The following PECAM1 variants were observed in gnomAD, a reference collection of about 807,000 sequenced individuals.
PECAM1 encodes platelet and endothelial cell adhesion molecule 1.
PECAM1 carries 8 observed loss-of-function variants against 13.8 expected under a neutral mutation model. The observed-to-expected ratio is 0.58, with a 90% CI of 0.34 to 1.05. The LOEUF is 1.05. PECAM1 is among the 50% of genes least tolerant of loss of function. The pLI is 0.03. For synonymous variants in PECAM1, 136 were observed against 52.6 expected (o/e 2.58, Z -6.86); for missense variants, 304 against 141.2 (o/e 2.15, Z -5.84).
chr17:64,365,286 A>G (rs1361453835), intron 5 of PECAM1, among the ~76,000 whole-genome samples: 5 of 152,246 alleles, frequency 3.3e-5, no homozygotes, highest in Non-Finnish European at 7.3e-5. Flanking sequence ...GACCTCTTCA[A>G]GGAAAACTAC....
At chr17:64,368,776 C>G (rs1314658438) in intron 5 of PECAM1, among the ~76,000 whole-genome samples, 3 of 150,564 alleles carry the variant, frequency 2.0e-5, no homozygotes, top group African/African-American at 7.3e-5. Flanking sequence ...TTACTTGAAC[C>G]TGGGAGGCAG....
chr17:64,329,281 A>G (rs568046705), intron 15 of PECAM1, among the ~76,000 whole-genome samples: 1 of 152,266 alleles, frequency 6.6e-6, no homozygotes, highest in Non-Finnish European at 1.5e-5. Flanking sequence ...ACTGAGGTCA[A>G]GAAGCTTGGG....
At chr17:64,367,563 A>T (rs969988995) in intron 5 of PECAM1, among the ~76,000 whole-genome samples, 9 of 151,916 alleles carry the variant, frequency 5.9e-5, no homozygotes, top group African/African-American at 1.7e-4. Context: ...AAAAAAAAAA[A>T]AAAAGAAAAG....
intron 2 of PECAM1, among the ~76,000 whole-genome samples, chr17:64,386,680 C>T (rs1035845579): frequency 3.5e-4 from 53 of 151,870 alleles, no homozygotes; most frequent in Admixed American, 8.5e-4. Context: ...ATCTGTTATC[C>T]CAGCACTTTC....
rs1414811163 is a variant in PECAM1, at chr17:64,335,856, C to T, written c.2164+5778G>A. Reference sequence around the variant, plus strand: ...TAGAGTATAGGGAGAAAACAATCAACATGGAACAAAAGAAATCTGCAGTCT... The same window carrying T: ...TAGAGTATAGGGAGAAAACAATCAATATGGAACAAAAGAAATCTGCAGTCT... On this transcript the variant is annotated intron_variant, in intron 14 of 15. Transcript: ENST00000563924. Among the ~76,000 whole-genome samples, 3 of 152,138 alleles carry T rather than the reference C, an allele frequency of 2.0e-5. No homozygotes were observed. The East Asian group carries it at 5.8e-4, about 29-fold the overall frequency.
chr17:64,352,863 T>G (rs2143781668), intron 10 of PECAM1, among the ~76,000 whole-genome samples: 1 of 152,160 alleles, frequency 6.6e-6, no homozygotes, highest in South Asian at 2.1e-4. Context: ...CTGGCTAGGC[T>G]GGTCTTGAAC....
At position 64,346,786 on chromosome 17, in the gene PECAM1, C is replaced by T. The variant is rs1322811423; in HGVS notation, c.2107+1474G>A. ...CCTGCCCTTGAGAGAACCACATACA[C>T]AAAAACAAAACCCAAGGTGTAAAAT... On this transcript the variant is annotated intron_variant, in intron 13 of 15. Coordinates refer to ENST00000563924, the MANE Select transcript of PECAM1 (RefSeq NM_000442.5). Among the ~76,000 whole-genome samples the T allele has an allele frequency of 3.3e-5, 5 of 152,212 alleles. No individual in the cohort carries two copies. In the South Asian group the frequency reaches 6.2e-4, roughly 19 times the overall value.
At chr17:64,363,510 C>T (rs1183328470) in intron 5 of PECAM1, 113 bp from the exon 6 acceptor site, 1 of 465,542 alleles carries the variant, frequency 2.1e-6, no homozygotes, top group African/African-American at 2.0e-5. Flanking sequence ...TTCCAACTTC[C>T]AGCAAAAAGT....
chr17:64,384,395 C>T (rs899420825), intron 2 of PECAM1, among the ~76,000 whole-genome samples: 1 of 152,162 alleles, frequency 6.6e-6, no homozygotes, highest in African/African-American at 2.4e-5. Context: ...CAAGATGCCC[C>T]CCCCAATGGT....
chr17:64,387,466 T>TA (rs35835228), intron 2 of PECAM1, among the ~76,000 whole-genome samples: 12 of 151,904 alleles, frequency 7.9e-5, no homozygotes, highest in Non-Finnish European at 1.8e-4. Flanking sequence ...TTCTTTTTCC[T>TA]AAAAAAAGAG....
At chr17:64,327,762 T>C (rs185617601) in intron 15 of PECAM1, among the ~76,000 whole-genome samples, 5 of 152,258 alleles carry the variant, frequency 3.3e-5, no homozygotes, top group Admixed American at 3.3e-4. Context: ...AATACCAAAT[T>C]AGTCTTTGGC....
At chr17:64,323,948 G>A in intron 15 of PECAM1, 103 bp from the exon 16 acceptor site, 1 of 788,854 alleles carries the variant, frequency 1.3e-6, no homozygotes. Context: ...CAAAGAAAAT[G>A]CAAAGCAGGG....
At chr17:64,388,726 G>A (rs1029748798) in intron 2 of PECAM1, among the ~76,000 whole-genome samples, 1 of 152,100 alleles carries the variant, frequency 6.6e-6, no homozygotes, top group Non-Finnish European at 1.5e-5. Context: ...GGAGTGCAGT[G>A]GCGCAATCCT....
At position 64,329,859 on chromosome 17, in the gene PECAM1, C is replaced by T. The variant is rs13306806; in HGVS notation, c.2165-137G>A. Reference sequence around the variant, plus strand: ...CCAGGAGACATCAGCCGGCAGGTGCCCTTAGAGGTTTATGGCTCCTTTGTG... The same window carrying T: ...CCAGGAGACATCAGCCGGCAGGTGCTCTTAGAGGTTTATGGCTCCTTTGTG... On this transcript the variant is annotated intron_variant, in intron 14 of 15. Transcript: ENST00000563924. 8.5e-5 allele frequency: 59 copies of T among 698,056 alleles called. No homozygotes were observed. The East Asian group carries it at 1.6e-3, about 18-fold the overall frequency. 43.2% of individuals were successfully genotyped at this position (698,056 alleles called of 1,614,324 possible). A position where few individuals can be genotyped will look rare whatever the true frequency, so the allele number is the denominator to read the frequency against.
intron 14 of PECAM1, among the ~76,000 whole-genome samples, chr17:64,335,227 G>A (rs940227473): frequency 2.0e-5 from 3 of 152,050 alleles, no homozygotes; most frequent in Admixed American, 6.6e-5. Flanking sequence ...GAGGCTCTAT[G>A]ACTTGCCCAG....
intron 2 of PECAM1, among the ~76,000 whole-genome samples, chr17:64,386,472 C>T (rs1040193905): frequency 6.6e-6 from 1 of 151,008 alleles, no homozygotes; most frequent in Non-Finnish European, 1.5e-5. Flanking sequence ...TTGCACAACA[C>T]CGTGAATGTA....
At chr17:64,371,825 A>C (rs967693724) in intron 4 of PECAM1, among the ~76,000 whole-genome samples, 1 of 152,112 alleles carries the variant, frequency 6.6e-6, no homozygotes, top group Non-Finnish European at 1.5e-5. Context: ...GTGAGACTCC[A>C]TCTCAAAAAT....
In PECAM1 at chr17:64,368,712, A is replaced by G. The variant is rs956413524; in HGVS notation, c.967+1038T>C. Among the ~76,000 whole-genome samples, 172 of 151,628 alleles carry G rather than the reference A, an allele frequency of 1.1e-3. 2 individuals are homozygous for G. Among genetic ancestry groups the G allele is most frequent in the African/African-American group, 3.9e-3 (160 of 41,398 alleles). On this transcript the variant is annotated intron_variant, in intron 5 of 15. Transcript: ENST00000563924. ...TAAAAATACAAAAAGTTAGCAGGGC[A>G]TGGTGGCGCATGCACCTGTAATCCC...
rs1031404014 is a variant in PECAM1 at position 64,387,470 on chromosome 17, A to G, written c.91+3019T>C. On this transcript the variant is annotated intron_variant, in intron 2 of 15. Transcript: ENST00000563924. ...GCTTGTGATTTTTCTTTTTCCTAAA[A>G]AAAGAGTTCCCATTCACTGAGAGAA... is the stretch of plus-strand genomic sequence containing the variant. Among the ~76,000 whole-genome samples, 26 of 152,334 alleles carry G rather than the reference A, an allele frequency of 1.7e-4. No homozygotes were observed. In the East Asian group the frequency reaches 5.0e-3, roughly 29 times the overall value.
Sources: gnomAD v4.1 joint callset for allele counts (sites outside exome capture counted in the v4.1 genomes callset) on GRCh38, gnomAD v4.1.1 for gene constraint, MANE v1.5 for transcripts, NCBI Gene and HGNC (gene_info 2026-07-23, HGNC 2026-07-21) for gene names.